Variants in SYT16 observed in about 807,000 individuals in gnomAD.
SYT16 encodes synaptotagmin-16.
In SYT16, 42 loss-of-function variants were observed where a neutral mutation model predicts 61.4. That is an observed-to-expected ratio of 0.68 (90% CI 0.53 to 0.89). The LOEUF (loss-of-function observed/expected upper bound fraction) is 0.89. SYT16 is among the 40% of genes least tolerant of loss of function. The probability of loss-of-function intolerance (pLI) is 0.00; values close to 1 mark genes in which losing one functional copy is unlikely to be tolerated. For synonymous variants in SYT16, 314 were observed against 302.3 expected (o/e 1.04, Z -0.40); for missense variants, 804 against 807.3 (o/e 1.00, Z 0.05).
chr14:61,900,851 A>G (rs2140357303), intron 1 of SYT16, among the ~76,000 whole-genome samples: 1 of 152,262 alleles, frequency 6.6e-6, no homozygotes, highest in Non-Finnish European at 1.5e-5. Context: ...TTTAAGTTAC[A>G]AAGACATCCA....
At chr14:61,831,552 TC>T (rs982800575) in intron 1 of SYT16, among the ~76,000 whole-genome samples, 20 of 152,340 alleles carry the variant, frequency 1.3e-4, no homozygotes, top group Admixed American at 1.2e-3. Flanking sequence ...ATTGTCTCTC[TC>T]CCATTCCCTT....
rs751827101 is a variant in SYT16, at chr14:61,980,946, GTGTGTGTGTGTGTT to G, written c.-145+10649_-145+10662del. On this transcript the variant is annotated intron_variant, in intron 2 of 7. Transcript: ENST00000683842. ...TCCAGAGAAACAGTACCAACATTGT[GTGTGTGTGTGTGTT>G]TGTGTGTGTGTGTGTGGTTGTGTGT... is the stretch of plus-strand genomic sequence containing the variant. Among the ~76,000 whole-genome samples, 666 of 115,046 alleles carry G rather than the reference GTGTGTGTGTGTGTT, an allele frequency of 5.8e-3. 2 individuals are homozygous for G. The highest frequency in any genetic ancestry group is 4.9e-3 in the Non-Finnish European group (285 of 57,788). The allele number at this position is 115,046 out of a possible 152,430, so 75.5% of individuals were successfully genotyped here.
chr14:62,084,232 C>T lies in SYT16; in HGVS notation c.1471C>T (p.His491Tyr), dbSNP rs748021480. The change falls in exon 7 of 8, where the codon CAC becomes TAC. Residue 491 changes from histidine (H) to tyrosine (Y), a missense_variant. Physicochemically the swap from His to Tyr is moderately conservative, Grantham distance 83. Transcript: ENST00000683842. ...GSPLSPSAVSHSDSTSSTQSL... is the reference protein window; with the variant it reads ...GSPLSPSAVSYSDSTSSTQSL... ...TCCGCTCAGCCCATCTGCGGTTTCT[C>T]ACAGTGATAGTACTTCATCCACGCA... 2 of 1,613,800 alleles carry T rather than the reference C, an allele frequency of 1.2e-6. No homozygotes were observed. Among genetic ancestry groups the T allele is most frequent in the African/African-American group, 1.3e-5 (1 of 74,920 alleles).
intron 1 of SYT16, among the ~76,000 whole-genome samples, chr14:61,821,537 T>C (rs2045618959): frequency 6.6e-6 from 1 of 152,212 alleles, no homozygotes; most frequent in Non-Finnish European, 1.5e-5. Context: ...GGATTCAGAC[T>C]CTTGCAGGCT....
At chr14:61,942,955 A>G (rs567870169) in intron 1 of SYT16, among the ~76,000 whole-genome samples, 1 of 152,178 alleles carries the variant, frequency 6.6e-6, no homozygotes, top group Non-Finnish European at 1.5e-5. Context: ...TGGTTTTTTG[A>G]AAAGATTAAT....
intron 1 of SYT16, among the ~76,000 whole-genome samples, chr14:61,834,006 G>A (rs2046039463): frequency 6.7e-6 from 1 of 149,482 alleles, no homozygotes; most frequent in Non-Finnish European, 1.5e-5. Context: ...TTGGAATCTG[G>A]GAGATACTTG....
chr14:62,108,700 A>T lies in SYT16; in HGVS notation c.*7993A>T, dbSNP rs966800348. 5 of 152,168 alleles carry T rather than the reference A, an allele frequency of 3.3e-5. No homozygotes were observed. Among genetic ancestry groups the T allele is most frequent in the African/African-American group, 1.2e-4 (5 of 41,452 alleles). 9.4% of individuals were successfully genotyped at this position (152,168 alleles called of 1,614,324 possible). A position where few individuals can be genotyped will look rare whatever the true frequency, so the allele number is the denominator to read the frequency against. ...TGTGAAATACAAAGTCCTTTCCAGA[A>T]TTTTAAAACTTAATTTCAGTATAGA... On this transcript the variant is annotated 3_prime_UTR_variant, in exon 8 of 8. Transcript: ENST00000683842.
At chr14:62,080,653 C>T (rs561210226) in intron 5 of SYT16, among the ~76,000 whole-genome samples, 181 bp from the exon 6 acceptor site, 149 of 152,250 alleles carry the variant, frequency 9.8e-4, no homozygotes, top group Non-Finnish European at 1.6e-3. Context: ...GGCACTTTGC[C>T]GTCAAAGAAT....
intron 1 of SYT16, among the ~76,000 whole-genome samples, chr14:61,903,217 A>G (rs1471132427): frequency 1.3e-5 from 2 of 152,080 alleles, no homozygotes; most frequent in Non-Finnish European, 2.9e-5. Context: ...CCTGTTTCCA[A>G]ATAAGGCCAC....
intron 1 of SYT16, among the ~76,000 whole-genome samples, chr14:61,891,246 A>G (rs978927812): frequency 1.1e-4 from 17 of 150,646 alleles, no homozygotes; most frequent in African/African-American, 2.7e-4. Context: ...ACACGCGCAC[A>G]CACACACACA....
At chr14:62,087,230 G>A (rs1390443185) in intron 7 of SYT16, among the ~76,000 whole-genome samples, 1 of 152,228 alleles carries the variant, frequency 6.6e-6, no homozygotes, top group East Asian at 1.9e-4. Flanking sequence ...GAAGGAAGAG[G>A]GGGAGAAGAA....
intron 1 of SYT16, among the ~76,000 whole-genome samples, chr14:61,960,714 C>G (rs1319218640): frequency 6.6e-6 from 1 of 152,118 alleles, no homozygotes; most frequent in African/African-American, 2.4e-5. Flanking sequence ...CCTGATTGCT[C>G]TGGCCATGAC....
intron 3 of SYT16, among the ~76,000 whole-genome samples, chr14:62,025,128 A>G (rs1187831095): frequency 6.6e-6 from 1 of 152,054 alleles, no homozygotes; most frequent in Non-Finnish European, 1.5e-5. Flanking sequence ...ACGTGTTTTC[A>G]ATTCTTTTGG....
intron 7 of SYT16, among the ~76,000 whole-genome samples, chr14:62,095,963 A>G (rs1187209486): frequency 6.6e-6 from 1 of 151,962 alleles, no homozygotes; most frequent in Non-Finnish European, 1.5e-5. Context: ...AAGCTTGGAA[A>G]CTTGATATTT....
At chr14:62,069,442 T>A (rs933761595) in intron 3 of SYT16, 161 bp from the exon 4 acceptor site, 4 of 652,364 alleles carry the variant, frequency 6.1e-6, no homozygotes, top group Non-Finnish European at 1.1e-5. Context: ...GACTCAAATT[T>A]GTGTTGCAAA....
rs571079288 is a variant in SYT16, at chr14:61,840,990, G to T, written c.-325+28180G>T. On this transcript the variant is annotated intron_variant, in intron 1 of 7. Transcript: ENST00000683842. ...TAATCAACGGAACAGTCACCCAAGT[G>T]AGGGGAAGGCAATGGGATTAAGTTA... Among the ~76,000 whole-genome samples, 3 of 152,316 alleles carry T rather than the reference G, an allele frequency of 2.0e-5. No homozygotes were observed. In the East Asian group the frequency reaches 5.8e-4, roughly 29 times the overall value.
chr14:61,855,839 C>T (rs893249610), intron 1 of SYT16, among the ~76,000 whole-genome samples: 4 of 152,202 alleles, frequency 2.6e-5, no homozygotes, highest in East Asian at 3.8e-4. Context: ...CCAACAGACC[C>T]ATGAAAGAGG....
intron 1 of SYT16, among the ~76,000 whole-genome samples, chr14:61,922,615 A>G (rs555500773): frequency 5.8e-4 from 88 of 152,316 alleles, no homozygotes; most frequent in African/African-American, 2.0e-3. Flanking sequence ...GAAATAATCT[A>G]TACAACAAAC....
chr14:62,068,119 A>T lies in SYT16; in HGVS notation c.524-1484A>T, dbSNP rs1215157193. The stretch of plus-strand genomic sequence containing the variant: ...TCCCATGCTCACTGCAGCATTATTC[A>T]CAATAGCCAAGATAAGGAAACAACC... On this transcript the variant is annotated intron_variant, in intron 3 of 7. Transcript: ENST00000683842. 3.3e-5 allele frequency among the ~76,000 whole-genome samples: 5 copies of T among 152,356 alleles called. No individual in the cohort carries two copies. The East Asian group carries it at 9.6e-4, about 29-fold the overall frequency.
Sources: allele counts gnomAD v4.1 joint callset (sites outside exome capture counted in the v4.1 genomes callset), GRCh38; gene constraint gnomAD v4.1.1; transcripts MANE v1.5; gene names NCBI Gene and HGNC (gene_info 2026-07-23, HGNC 2026-07-21).